The following VWA8 variants were observed in gnomAD, a reference collection of about 807,000 sequenced individuals.
The protein encoded by VWA8 is von Willebrand factor A domain-containing protein 8.
In VWA8, 221 loss-of-function variants were observed where a neutral mutation model predicts 241.5. The ratio of observed to expected loss-of-function variants is 0.91; its 90% CI spans 0.82 to 1.02. The LOEUF is 1.02. VWA8 is among the 50% of genes least tolerant of loss of function. The pLI is 0.00. For synonymous variants in VWA8, 852 were observed against 827.1 expected (o/e 1.03, Z -0.52); for missense variants, 2,322 against 2,328.7 (o/e 1.00, Z 0.06).
intron 4 of VWA8, among the ~76,000 whole-genome samples, chr13:41,896,881 C>G (rs1875135649): frequency 6.6e-6 from 1 of 151,856 alleles, no homozygotes; most frequent in South Asian, 2.1e-4. Flanking sequence ...TGTTATTAAC[C>G]CAGAAATTCT....
At chr13:41,959,493 CAAA>C (rs59960898) in intron 1 of VWA8, among the ~76,000 whole-genome samples, 2 of 76,472 alleles carry the variant, frequency 2.6e-5, no homozygotes, top group Non-Finnish European at 2.5e-5. Context: ...TGAGAAAAAG[CAAA>C]AAAAAAAAAA....
rs573114446 is a variant in VWA8 at position 41,606,178 on chromosome 13, A to T, written c.4878-902T>A. 3.9e-5 allele frequency among the ~76,000 whole-genome samples: 6 copies of T among 152,204 alleles called. No homozygotes were observed. In the East Asian group the frequency reaches 9.7e-4, roughly 25 times the overall value. On this transcript the variant is annotated intron_variant, in intron 39 of 44. Transcript: ENST00000379310. ...CAGAGAATTTGCTCTCCATGCTGTA[A>T]CTATCTGCCTCCTGTCTCCCCAACT...
intron 37 of VWA8, among the ~76,000 whole-genome samples, chr13:41,627,466 T>A (rs993154939): frequency 6.6e-6 from 1 of 152,110 alleles, no homozygotes; most frequent in Admixed American, 6.6e-5. Flanking sequence ...CTAGGGCCGC[T>A]CAGGGAGAGA....
At chr13:41,794,664 T>C (rs971124729) in intron 17 of VWA8, among the ~76,000 whole-genome samples, 1 of 152,180 alleles carries the variant, frequency 6.6e-6, no homozygotes, top group African/African-American at 2.4e-5. Context: ...GAACTTCCAA[T>C]ACTGTGTTGA....
At chr13:41,934,116 C>CA (rs551457747) in intron 2 of VWA8, among the ~76,000 whole-genome samples, 2,057 of 121,956 alleles carry the variant, frequency 0.017, 36 homozygotes, top group African/African-American at 0.049. Flanking sequence ...AAAAGCAACT[C>CA]AAAAAAAAAA....
At chr13:41,852,038 C>G (rs1872549514) in intron 12 of VWA8, among the ~76,000 whole-genome samples, 1 of 152,114 alleles carries the variant, frequency 6.6e-6, no homozygotes, top group Non-Finnish European at 1.5e-5. Flanking sequence ...ACTAATTTAC[C>G]TTTCTACCAA....
At chr13:41,603,331 T>C (rs2044533651) in intron 40 of VWA8, among the ~76,000 whole-genome samples, 1 of 152,136 alleles carries the variant, frequency 6.6e-6, no homozygotes, top group African/African-American at 2.4e-5. Context: ...GCTTCATTTG[T>C]GTGTGATTGT....
intron 42 of VWA8, among the ~76,000 whole-genome samples, chr13:41,584,701 T>A (rs927044912): frequency 1.3e-5 from 2 of 152,104 alleles, no homozygotes; most frequent in African/African-American, 4.8e-5. Flanking sequence ...GAAAAATTTA[T>A]TTTATCTTGG....
chr13:41,904,783 T>TAA (rs934011787), intron 4 of VWA8, among the ~76,000 whole-genome samples: 1 of 152,112 alleles, frequency 6.6e-6, no homozygotes, highest in Non-Finnish European at 1.5e-5. Context: ...ATATGAAATT[T>TAA]AAAAAATTAA....
At chr13:41,604,076 C>T (rs1566384048) in intron 40 of VWA8, among the ~76,000 whole-genome samples, 1 of 152,080 alleles carries the variant, frequency 6.6e-6, no homozygotes, top group Non-Finnish European at 1.5e-5. Flanking sequence ...TTAGGATAGG[C>T]ACCATCTCCC....
intron 2 of VWA8, among the ~76,000 whole-genome samples, chr13:41,913,052 T>C (rs1876086481): frequency 1.3e-5 from 2 of 152,046 alleles, no homozygotes; most frequent in South Asian, 2.1e-4. Context: ...AATGAAATAT[T>C]ATACAGCAAC....
intron 36 of VWA8, 95 bp downstream of exon 36, chr13:41,675,120 G>T: frequency 1.3e-6 from 1 of 780,090 alleles, no homozygotes; most frequent in Non-Finnish European, 2.0e-6. Context: ...GCTATTTAAA[G>T]AAGCAAAAAA....
chr13:41,941,638 C>T (rs1877603026), intron 2 of VWA8, among the ~76,000 whole-genome samples: 1 of 152,162 alleles, frequency 6.6e-6, no homozygotes. Flanking sequence ...ATAATCATAG[C>T]AGCCCCTAGT....
At chr13:41,618,287 C>T (rs7399564) in intron 37 of VWA8, among the ~76,000 whole-genome samples, 151,149 of 152,356 alleles carry the variant, frequency 0.99, 74,985 homozygotes, top group Middle Eastern at 1. Context: ...TTTTGAAAAG[C>T]GTCTGTTCAT....
At chr13:41,930,716 T>C (rs986293714) in intron 2 of VWA8, among the ~76,000 whole-genome samples, 1 of 152,180 alleles carries the variant, frequency 6.6e-6, no homozygotes, top group Non-Finnish European at 1.5e-5. Flanking sequence ...AAGATATACA[T>C]TAAACACAAC....
chr13:41,615,643 C>T (rs974186992), intron 37 of VWA8, among the ~76,000 whole-genome samples: 3 of 152,030 alleles, frequency 2.0e-5, no homozygotes, highest in African/African-American at 7.2e-5. Flanking sequence ...ATTTTTTTGA[C>T]CCACTTCAAT....
intron 43 of VWA8, among the ~76,000 whole-genome samples, chr13:41,571,428 C>T (rs868289931): frequency 6.6e-5 from 10 of 151,618 alleles, no homozygotes; most frequent in South Asian, 2.1e-4. Context: ...GCCGCCATCT[C>T]GGCTCACTGC....
chr13:41,857,014 C>A (rs1035121295), intron 12 of VWA8, among the ~76,000 whole-genome samples: 1 of 152,042 alleles, frequency 6.6e-6, no homozygotes, highest in Non-Finnish European at 1.5e-5. Flanking sequence ...TCTTTATATA[C>A]TACTGTGTAT....
At chr13:41,569,433 A>G (rs954844996) in intron 44 of VWA8, among the ~76,000 whole-genome samples, 2 of 152,244 alleles carry the variant, frequency 1.3e-5, no homozygotes, top group African/African-American at 4.8e-5. Context: ...GTAAAAACTA[A>G]GAAGAATGAA....
Sources: allele counts gnomAD v4.1 joint callset (sites outside exome capture counted in the v4.1 genomes callset), GRCh38; gene constraint gnomAD v4.1.1; transcripts MANE v1.5; gene names NCBI Gene and HGNC (gene_info 2026-07-23, HGNC 2026-07-21).